Variants in RANBP9 observed in about 807,000 individuals in gnomAD.
The protein encoded by RANBP9 is ran-binding protein 9.
Under a neutral mutation model 84.3 loss-of-function variants are expected in RANBP9, and 15 were observed. That is an observed-to-expected ratio of 0.18 (90% CI 0.12 to 0.27). The LOEUF is 0.27. Among genes scored for constraint, RANBP9 ranks in the 10% least tolerant of loss-of-function variants. RANBP9 has a pLI of 1.00. For synonymous variants in RANBP9, 392 were observed against 349.6 expected (o/e 1.12, Z -1.35); for missense variants, 809 against 912.8 (o/e 0.89, Z 1.46).
At chr6:13,680,642 G>T (rs187703479) in intron 2 of RANBP9, among the ~76,000 whole-genome samples, 1 of 152,158 alleles carries the variant, frequency 6.6e-6, no homozygotes, top group Admixed American at 6.5e-5. Context: ...TGTACTCCCA[G>T]CTACTCAGGA....
chr6:13,689,493 C>T (rs763848921), intron 2 of RANBP9, among the ~76,000 whole-genome samples: 3 of 152,068 alleles, frequency 2.0e-5, no homozygotes, highest in South Asian at 2.1e-4. Flanking sequence ...AGGCTAGTCT[C>T]GAACTCTTTA....
rs772188203 is a variant in RANBP9, at chr6:13,696,854, G to A, written c.614C>T (p.Thr205Met). ...CCCACAGGCTGCTGGTATTGGATGCGTGGCTCGAACTGACGCGGCATCTTT... is the reference window on the plus strand; with the variant it reads ...CCCACAGGCTGCTGGTATTGGATGCATGGCTCGAACTGACGCGGCATCTTT... ...TPKDAASVRA[T>M]HPIPAACGIY... The change falls in exon 2 of 14, where the codon ACG (threonine) becomes ATG (methionine). Residue 205 changes from threonine to methionine, a missense_variant. Transcript: ENST00000011619. The A allele has an allele frequency of 8.7e-6, 14 of 1,613,210 alleles. 1 individual carries two copies. Among genetic ancestry groups the A allele is most frequent in the African/African-American group, 2.7e-5 (2 of 74,978 alleles).
chr6:13,677,118 T>C (rs1271123710), intron 2 of RANBP9, among the ~76,000 whole-genome samples: 1 of 152,032 alleles, frequency 6.6e-6, no homozygotes, highest in Admixed American at 6.6e-5. Flanking sequence ...CATCAAAGAA[T>C]TGACAGAAAA....
intron 1 of RANBP9, among the ~76,000 whole-genome samples, chr6:13,705,392 G>A (rs1425841142): frequency 9.6e-5 from 9 of 93,812 alleles, no homozygotes; most frequent in African/African-American, 3.8e-4. Context: ...GGGCGACAGA[G>A]CAAGATTCTG....
In RANBP9 at chr6:13,695,830, G is replaced by A. The variant is rs569480586; in HGVS notation, c.683+955C>T. ...CTGTTGACATCGAGAATATTCAGCC[G>A]ATAAAGGAGTAATCTACTGAATACA... On this transcript the variant is annotated intron_variant, in intron 2 of 13. Coordinates refer to ENST00000011619, the MANE Select transcript of RANBP9 (RefSeq NM_005493.3). Among the ~76,000 whole-genome samples the A allele has an allele frequency of 1.9e-4, 29 of 152,108 alleles. No homozygotes were observed. The South Asian group carries it at 5.2e-3, about 27-fold the overall frequency.
chr6:13,657,741 T>A (rs1442044600), intron 3 of RANBP9, among the ~76,000 whole-genome samples: 2 of 152,210 alleles, frequency 1.3e-5, no homozygotes, highest in Non-Finnish European at 2.9e-5. Flanking sequence ...ACTACAGATA[T>A]GTTTATATCA....
chr6:13,634,286 T>C, intron 11 of RANBP9, 145 bp downstream of exon 11: 1 of 950,802 alleles, frequency 1.1e-6, no homozygotes, highest in Non-Finnish European at 1.5e-6. Context: ...AACAAGAGTT[T>C]AAGTGCTATG....
intron 2 of RANBP9, among the ~76,000 whole-genome samples, chr6:13,686,191 A>G (rs1766180790): frequency 7.5e-6 from 1 of 134,190 alleles, no homozygotes; most frequent in South Asian, 2.4e-4. Flanking sequence ...TGCAGCCTTG[A>G]CCTCCTGGGC....
intron 5 of RANBP9, among the ~76,000 whole-genome samples, chr6:13,647,934 A>C (rs754641115): frequency 1.3e-5 from 2 of 152,124 alleles, no homozygotes; most frequent in Non-Finnish European, 2.9e-5. Context: ...AATGTTTTTT[A>C]GTATGTTCAC....
At chr6:13,698,516 T>C (rs1418803103) in intron 1 of RANBP9, among the ~76,000 whole-genome samples, 3 of 152,198 alleles carry the variant, frequency 2.0e-5, no homozygotes, top group African/African-American at 4.8e-5. Flanking sequence ...ATTAGATTGT[T>C]ACAAATAAAT....
intron 2 of RANBP9, among the ~76,000 whole-genome samples, chr6:13,688,684 T>A (rs1404817071): frequency 6.6e-6 from 1 of 151,874 alleles, no homozygotes; most frequent in Non-Finnish European, 1.5e-5. Flanking sequence ...TCCTGTTATT[T>A]TTTTTTTTAA....
intron 2 of RANBP9, among the ~76,000 whole-genome samples, chr6:13,690,087 A>G (rs1562319842): frequency 6.6e-6 from 1 of 152,162 alleles, no homozygotes; most frequent in South Asian, 2.1e-4. Context: ...GTCTTAGAAC[A>G]TGTTCCGTAG....
intron 13 of RANBP9, among the ~76,000 whole-genome samples, chr6:13,624,369 CCCT>C (rs1764541540): frequency 6.6e-6 from 1 of 152,182 alleles, no homozygotes; most frequent in Admixed American, 6.6e-5. Context: ...TGTGGCACTG[CCCT>C]CATCTTCCTA....
chr6:13,673,609 C>T (rs1765821936), intron 2 of RANBP9, among the ~76,000 whole-genome samples: 1 of 151,992 alleles, frequency 6.6e-6, no homozygotes, highest in Admixed American at 6.6e-5. Context: ...CTATAAGGGA[C>T]AGGAGGGAGG....
chr6:13,646,678 A>T (rs1327696355), intron 5 of RANBP9, among the ~76,000 whole-genome samples: 2 of 152,218 alleles, frequency 1.3e-5, no homozygotes, highest in African/African-American at 4.8e-5. Context: ...TTCTCTGATA[A>T]AACTATTTCA....
At chr6:13,663,539 G>A (rs1765580506) in intron 2 of RANBP9, among the ~76,000 whole-genome samples, 1 of 152,170 alleles carries the variant, frequency 6.6e-6, no homozygotes, top group East Asian at 1.9e-4. Context: ...ACAGGAGGAA[G>A]TGATAAATGT....
chr6:13,690,549 G>C (rs76106031), intron 2 of RANBP9, among the ~76,000 whole-genome samples: 1 of 152,280 alleles, frequency 6.6e-6, no homozygotes, highest in Non-Finnish European at 1.5e-5. Context: ...TTTAGGAACA[G>C]AACAGAGAGA....
At chr6:13,686,914 A>G (rs1312536946) in intron 2 of RANBP9, among the ~76,000 whole-genome samples, 1 of 152,218 alleles carries the variant, frequency 6.6e-6, no homozygotes, top group African/African-American at 2.4e-5. Context: ...GTGGAGACTT[A>G]GCAGTCCTCC....
chr6:13,711,274 C>CGG lies in RANBP9; in HGVS notation c.231_232insCC (p.Ala78ProfsTer64). ...GGCGGGGGCGGCGGGGCCGCGGTGG[C>CGG]CGGGGGCGGCGGCGGCGGAGGGTGG... On this transcript the variant is annotated frameshift_variant, in exon 1 of 14. Coordinates refer to ENST00000011619, the MANE Select transcript of RANBP9 (RefSeq NM_005493.3). LOFTEE classifies it high-confidence loss of function. 1.0e-6 allele frequency: 1 copy of CGG among 989,474 alleles called. No homozygotes were observed. Among genetic ancestry groups the CGG allele is most frequent in the Non-Finnish European group, 1.2e-6 (1 of 833,832 alleles). The allele number at this position is 989,474 out of a possible 1,614,324, so 61.3% of individuals were successfully genotyped here.
Sources: allele counts gnomAD v4.1 joint callset (sites outside exome capture counted in the v4.1 genomes callset), GRCh38; gene constraint gnomAD v4.1.1; transcripts MANE v1.5; gene names NCBI Gene and HGNC (gene_info 2026-07-23, HGNC 2026-07-21).